Variants in SEC23B observed in about 807,000 individuals in gnomAD.
The protein encoded by SEC23B is SEC23 homolog B, COPII component, also known as protein transport protein Sec23B.
Under a neutral mutation model 104.3 loss-of-function variants are expected in SEC23B, and 77 were observed. The observed-to-expected ratio is 0.74, with a 90% confidence interval of 0.61 to 0.89. SEC23B has a LOEUF of 0.89. Among genes scored for constraint, SEC23B ranks in the 40% least tolerant of loss-of-function variants. The probability of loss-of-function intolerance (pLI) is 0.00; values close to 1 mark genes in which losing one functional copy is unlikely to be tolerated. For synonymous variants in SEC23B, 338 were observed against 332.5 expected, an observed-to-expected ratio of 1.02 and a Z score of -0.18; for missense variants, 885 against 949.4, an observed-to-expected ratio of 0.93 and a Z score of 0.89.
intron 14 of SEC23B, 118 bp downstream of exon 14, chr20:18,543,290 C>A: frequency 8.0e-7 from 1 of 1,248,638 alleles, no homozygotes; most frequent in Non-Finnish European, 1.2e-6. Flanking sequence ...AGTTGCCTAC[C>A]TTATGCTGCA....
At position 18,554,297 on chromosome 20, in the gene SEC23B, C is replaced by A; in HGVS notation, c.2055C>A (p.His685Gln). The A allele has an allele frequency of 6.2e-7, 1 of 1,614,152 alleles. No individual in the cohort carries two copies. Among genetic ancestry groups the A allele is most frequent in the Non-Finnish European group, 8.5e-7 (1 of 1,180,034 alleles). The stretch of plus-strand genomic sequence containing the variant: ...TGCCCGAGTATGAAAACTTCAAGCA[C>A]CTTCTGCAGGCACCACTGGATGATG... ...QDMPEYENFK[H>Q]LLQAPLDDAQ... Residue 685 changes from histidine (H) to glutamine (Q), a missense_variant, in exon 18 of 20, where the codon CAC becomes CAA. Transcript: ENST00000650089.
intron 12 of SEC23B, among the ~76,000 whole-genome samples, chr20:18,540,468 G>T (rs984410328): frequency 1.3e-5 from 2 of 152,148 alleles, no homozygotes; most frequent in Non-Finnish European, 1.5e-5. Context: ...AGGCTTTGTT[G>T]TTCCTTTTGT....
chr20:18,549,633 A>G (rs1440748258), intron 16 of SEC23B, among the ~76,000 whole-genome samples: 1 of 152,230 alleles, frequency 6.6e-6, no homozygotes, highest in Non-Finnish European at 1.5e-5. Context: ...CCCTGCAAAA[A>G]TAAAGAACTA....
chr20:18,516,775 G>C (rs528741725), intron 4 of SEC23B, among the ~76,000 whole-genome samples: 1 of 151,742 alleles, frequency 6.6e-6, no homozygotes, highest in East Asian at 1.9e-4. Flanking sequence ...GGATGGTCTC[G>C]TTCTCCTGAC....
At chr20:18,537,873 TG>T (rs2060250964) in intron 12 of SEC23B, among the ~76,000 whole-genome samples, 1 of 152,144 alleles carries the variant, frequency 6.6e-6, no homozygotes, top group South Asian at 2.1e-4. Context: ...ACATTGATGT[TG>T]TTGGCTGCTG....
chr20:18,554,180 T>G, intron 17 of SEC23B, 55 bp from the exon 18 acceptor site: 1 of 1,599,308 alleles, frequency 6.3e-7, no homozygotes, highest in Admixed American at 1.7e-5. Flanking sequence ...TCAGTGTCAG[T>G]GAAGGCTGTT....
intron 15 of SEC23B, among the ~76,000 whole-genome samples, chr20:18,546,278 A>T (rs2060330594): frequency 6.6e-6 from 1 of 152,206 alleles, no homozygotes; most frequent in Non-Finnish European, 1.5e-5. Context: ...GCAAAATAGG[A>T]TCATTGATAT....
intron 3 of SEC23B, among the ~76,000 whole-genome samples, chr20:18,512,895 C>A (rs967129133): frequency 6.6e-5 from 10 of 152,004 alleles, no homozygotes; most frequent in African/African-American, 2.2e-4. Flanking sequence ...ACTAAAAATA[C>A]AAAAATTAGG....
At chr20:18,525,753 C>A (rs2060127875) in intron 6 of SEC23B, 35 bp from the exon 7 acceptor site, 1 of 1,612,478 alleles carries the variant, frequency 6.2e-7, no homozygotes, top group South Asian at 1.1e-5. Context: ...GTACTTTATT[C>A]AATCTGGGTT....
intron 12 of SEC23B, among the ~76,000 whole-genome samples, chr20:18,537,556 A>G (rs1220942712): frequency 6.6e-6 from 1 of 152,008 alleles, no homozygotes. Context: ...TGGACACAGG[A>G]AGGGGAACAT....
Position 18,542,420 on chromosome 20 carries a change from C to T in SEC23B, c.1511+18C>T, listed in dbSNP as rs763133265. On this transcript the variant is annotated intron_variant, in intron 13 of 19. Coordinates refer to ENST00000650089, the MANE Select transcript of SEC23B (RefSeq NM_006363.6). ...GCCCGAAAGTAAGCAGCCCCAGTTT[C>T]CTTTCTGTTGAGGAACTGACTGACA... 3.1e-6 allele frequency: 5 copies of T among 1,601,730 alleles called. No individual in the cohort carries two copies. The East Asian group carries it at 6.7e-5, about 21-fold the overall frequency.
chr20:18,559,445 C>T (rs1600287281), intron 19 of SEC23B, among the ~76,000 whole-genome samples: 1 of 152,070 alleles, frequency 6.6e-6, no homozygotes, highest in African/African-American at 2.4e-5. Context: ...CTTCCTGGTT[C>T]CATACTTAGC....
At chr20:18,554,451 A>G in intron 18 of SEC23B, 61 bp downstream of exon 18, 4 of 1,556,780 alleles carry the variant, frequency 2.6e-6, no homozygotes, top group Non-Finnish European at 3.5e-6. Context: ...TGTTATTGCT[A>G]TACATCTAAA....
At chr20:18,543,689 A>G (rs2060309029) in intron 14 of SEC23B, among the ~76,000 whole-genome samples, 1 of 152,194 alleles carries the variant, frequency 6.6e-6, no homozygotes, top group African/African-American at 2.4e-5. Context: ...GGGCTGAGAT[A>G]GAGCACCAAA....
At position 18,542,290 on chromosome 20, in the gene SEC23B, C is replaced by G. The variant is rs6045458; in HGVS notation, c.1405-6C>G. 3 of 1,613,728 alleles carry G rather than the reference C, an allele frequency of 1.9e-6. No homozygotes were observed. Among genetic ancestry groups the G allele is most frequent in the Non-Finnish European group, 2.5e-6 (3 of 1,179,646 alleles). ...ACAGACAAGGTTATGGCCTCTCATCCTACAGCACAACACCCCGATCCCCCA... is the reference window on the plus strand; with the variant it reads ...ACAGACAAGGTTATGGCCTCTCATCGTACAGCACAACACCCCGATCCCCCA... On this transcript the variant is annotated splice_region_variant and splice_polypyrimidine_tract_variant and intron_variant, in intron 12 of 19. Transcript: ENST00000650089.
intron 1 of SEC23B, 29 bp from the exon 2 acceptor site, chr20:18,510,793 C>T (rs749451298): frequency 4.7e-6 from 7 of 1,501,926 alleles, no homozygotes; most frequent in Non-Finnish European, 5.6e-6. Flanking sequence ...TTTCACATAC[C>T]ATTAAGGTAA....
At chr20:18,542,271 A>AAG in intron 12 of SEC23B, 25 bp from the exon 13 acceptor site, 1 of 1,602,064 alleles carries the variant, frequency 6.2e-7, no homozygotes, top group Non-Finnish European at 8.6e-7. Context: ...TATAACAGAC[A>AAG]AGGTTATGGC....
intron 8 of SEC23B, 75 bp downstream of exon 8, chr20:18,526,606 C>T (rs1449440675): frequency 2.0e-6 from 3 of 1,503,736 alleles, no homozygotes; most frequent in Non-Finnish European, 2.8e-6. Flanking sequence ...GTGACAGCTA[C>T]TTTGCCAAGG....
intron 14 of SEC23B, among the ~76,000 whole-genome samples, chr20:18,544,650 C>T (rs539708063): frequency 6.6e-6 from 1 of 152,250 alleles, no homozygotes; most frequent in Admixed American, 6.5e-5. Flanking sequence ...GGAGACGTGG[C>T]TGTGATTGTT....
Sources: allele counts gnomAD v4.1 joint callset (sites outside exome capture counted in the v4.1 genomes callset), GRCh38; gene constraint gnomAD v4.1.1; transcripts MANE v1.5; gene names NCBI Gene and HGNC (gene_info 2026-07-23, HGNC 2026-07-21).